CAPSL: variants seen among roughly 807,000 people sequenced by gnomAD.
CAPSL encodes calcyphosine like.
Under a neutral mutation model 21.3 loss-of-function variants are expected in CAPSL, and 17 were observed. The observed-to-expected ratio is 0.80, with a 90% CI of 0.55 to 1.20. The LOEUF is 1.20. Ranked by LOEUF, CAPSL falls within the 50% of genes most tolerant of loss-of-function variation. The pLI, the probability that CAPSL is intolerant of heterozygous loss-of-function variation, is 0.00. For missense variants in CAPSL, 289 were observed against 259.3 expected (o/e 1.11, Z -0.79); for synonymous variants, 102 against 89.3 (o/e 1.14, Z -0.80).
rs1738192854 is a variant in CAPSL at position 35,910,560 on chromosome 5, CA to C, written c.138-18del. The C allele has an allele frequency of 6.5e-7, 1 of 1,548,702 alleles. No homozygotes were observed. The highest frequency in any genetic ancestry group is 1.2e-5 in the South Asian group (1 of 83,402). On this transcript the variant is annotated intron_variant, in intron 2 of 4. Transcript: ENST00000651391. Reference sequence around the variant, plus strand: ...CTAAACACTCTGAAGAAAATACACACAAAAATTCAGAAGAAATGTACAAATA... The same window carrying C: ...CTAAACACTCTGAAGAAAATACACACAAAATTCAGAAGAAATGTACAAATA...
At chr5:35,910,188 G>T in intron 3 of CAPSL, 113 bp from the exon 4 acceptor site, 1 of 1,125,298 alleles carries the variant, frequency 8.9e-7, no homozygotes, top group Non-Finnish European at 1.3e-6. Context: ...ATATTTGTGT[G>T]CTATTATGTA....
At chr5:35,919,065 AC>A (rs1305325097) in intron 2 of CAPSL, among the ~76,000 whole-genome samples, 2 of 151,016 alleles carry the variant, frequency 1.3e-5, no homozygotes, top group South Asian at 2.1e-4. Flanking sequence ...TATTTGGAAA[AC>A]AAAAAACAAA....
intron 1 of CAPSL, 46 bp downstream of exon 1, chr5:35,938,495 A>AG (rs1739012231): frequency 7.1e-6 from 1 of 140,026 alleles, no homozygotes; most frequent in Non-Finnish European, 1.5e-5. Flanking sequence ...CATACCAAGA[A>AG]AAAAAAAAAC....
rs1738176834 is a variant in CAPSL at position 35,910,136 on chromosome 5, C to T, written c.316-61G>A. 22 of 1,384,982 alleles carry T rather than the reference C, an allele frequency of 1.6e-5. No homozygotes were observed. In the South Asian group the frequency reaches 3.0e-4, roughly 19 times the overall value. 85.8% of individuals were successfully genotyped at this position (1,384,982 alleles called of 1,614,324 possible). ...TAAGCAAATGAGCTTTTTTGGTATC[C>T]TATGTGATAAAATATCTCATTCCCC... On this transcript the variant is annotated intron_variant, in intron 3 of 4. Coordinates refer to ENST00000651391, the MANE Select transcript of CAPSL (RefSeq NM_001042625.2).
intron 2 of CAPSL, among the ~76,000 whole-genome samples, chr5:35,918,121 G>A (rs549652509): frequency 6.6e-6 from 1 of 152,134 alleles, no homozygotes; most frequent in Non-Finnish European, 1.5e-5. Flanking sequence ...ATACCTAAAG[G>A]ATTATAGATC....
At chr5:35,906,636 A>G (rs895662851) in intron 4 of CAPSL, among the ~76,000 whole-genome samples, 1 of 152,220 alleles carries the variant, frequency 6.6e-6, no homozygotes, top group African/African-American at 2.4e-5. Context: ...AGAATAAAAA[A>G]TAAAACCTAA....
intron 1 of CAPSL, among the ~76,000 whole-genome samples, chr5:35,929,036 T>C (rs1738753904): frequency 6.6e-6 from 1 of 152,128 alleles, no homozygotes; most frequent in African/African-American, 2.4e-5. Context: ...AAGGCCTTAT[T>C]ATAACACAAC....
chr5:35,909,911 C>T lies in CAPSL; in HGVS notation c.480G>A (p.Arg160=). The part of the protein sequence containing the change: ...NGEWSEEQVF[R]KFLDNFDSPY... ...GTGAATCAAAGTTATCCAGAAATTT[C>T]CTAAATACTTGTTCCTCACTCCATT... Residue 160 remains arginine, a synonymous_variant, in exon 4 of 5, where the codon AGG becomes AGA. Transcript: ENST00000651391. 1.2e-6 allele frequency: 2 copies of T among 1,613,710 alleles called. No homozygotes were observed. The highest frequency in any genetic ancestry group is 1.1e-5 in the South Asian group (1 of 90,922).
chr5:35,906,693 A>G (rs1760686424), intron 4 of CAPSL, among the ~76,000 whole-genome samples: 1 of 152,232 alleles, frequency 6.6e-6, no homozygotes. Context: ...CTTGCAATTG[A>G]AAGCAAACCC....
At chr5:35,910,159 C>G in intron 3 of CAPSL, 84 bp from the exon 4 acceptor site, 1 of 1,204,368 alleles carries the variant, frequency 8.3e-7, no homozygotes, top group Non-Finnish European at 1.2e-6. Context: ...TATCTCATTC[C>G]CCTCAACGAT....
At chr5:35,932,280 T>C (rs551347773) in intron 1 of CAPSL, among the ~76,000 whole-genome samples, 61 of 152,246 alleles carry the variant, frequency 4.0e-4, no homozygotes, top group Non-Finnish European at 7.6e-4. Context: ...TACTTTACTC[T>C]CATGTAAAAG....
At position 35,933,734 on chromosome 5, in the gene CAPSL, G is replaced by C. The variant is rs570921824; in HGVS notation, c.-1+4807C>G. The stretch of plus-strand genomic sequence containing the variant: ...TAAGCAGAACTTCCAAAGAAAGTAA[G>C]AAGAGCTGTCATCCACCTCTCAACA... On this transcript the variant is annotated intron_variant, in intron 1 of 4. Coordinates refer to ENST00000651391, the MANE Select transcript of CAPSL (RefSeq NM_001042625.2). Among the ~76,000 whole-genome samples the C allele has an allele frequency of 2.0e-5, 3 of 152,282 alleles. No homozygotes were observed. In the South Asian group the frequency reaches 6.2e-4, roughly 32 times the overall value.
intron 1 of CAPSL, among the ~76,000 whole-genome samples, chr5:35,925,024 G>C (rs1232512295): frequency 1.3e-5 from 2 of 152,246 alleles, no homozygotes; most frequent in African/African-American, 4.8e-5. Context: ...TGGTGACAAC[G>C]GAGCGCATCC....
chr5:35,936,322 T>C (rs1738945596), intron 1 of CAPSL, among the ~76,000 whole-genome samples: 1 of 152,140 alleles, frequency 6.6e-6, no homozygotes, highest in Non-Finnish European at 1.5e-5. Flanking sequence ...AGCCATCAGT[T>C]ATGCCCTTTT....
intron 2 of CAPSL, among the ~76,000 whole-genome samples, chr5:35,914,529 C>T (rs2149920845): frequency 6.6e-6 from 1 of 152,262 alleles, no homozygotes; most frequent in East Asian, 1.9e-4. Flanking sequence ...ACAGTGCAAT[C>T]AAACTAGAAC....
At chr5:35,924,964 A>C (rs1033173434) in intron 1 of CAPSL, among the ~76,000 whole-genome samples, 49 of 152,344 alleles carry the variant, frequency 3.2e-4, no homozygotes, top group Admixed American at 5.9e-4. Context: ...AGCAGTGCAC[A>C]AAGTGTCTCT....
intron 1 of CAPSL, among the ~76,000 whole-genome samples, chr5:35,921,525 A>ATTGATT (rs1047929974): frequency 6.6e-6 from 1 of 152,150 alleles, no homozygotes; most frequent in Non-Finnish European, 1.5e-5. Flanking sequence ...TGGTCTAAAC[A>ATTGATT]TTGATTTTGT....
chr5:35,929,115 C>T (rs1219052009), intron 1 of CAPSL, among the ~76,000 whole-genome samples: 2 of 151,994 alleles, frequency 1.3e-5, no homozygotes, highest in African/African-American at 4.8e-5. Flanking sequence ...GGGGCCAAGT[C>T]CTTGTCTAAG....
At chr5:35,913,270 T>C (rs1379350434) in intron 2 of CAPSL, among the ~76,000 whole-genome samples, 2 of 152,204 alleles carry the variant, frequency 1.3e-5, no homozygotes, top group African/African-American at 4.8e-5. Context: ...AGGAACCAAG[T>C]TGGAAAACAC....
Sources: allele counts gnomAD v4.1 joint callset (sites outside exome capture counted in the v4.1 genomes callset), GRCh38; gene constraint gnomAD v4.1.1; transcripts MANE v1.5; gene names NCBI Gene and HGNC (gene_info 2026-07-23, HGNC 2026-07-21).